Variants in LSP1 observed in about 807,000 individuals in gnomAD.
The protein encoded by LSP1 is lymphocyte-specific protein 1.
Under a neutral mutation model 49.3 loss-of-function variants are expected in LSP1, and 32 were observed. That is an observed-to-expected ratio of 0.65 (90% CI 0.49 to 0.87). LSP1 has a LOEUF of 0.87. Among genes scored for constraint, LSP1 ranks in the 40% least tolerant of loss-of-function variants. LSP1 has a pLI of 0.00. For missense variants in LSP1, 428 were observed against 442.6 expected, an observed-to-expected ratio of 0.97 and a Z score of 0.30; for synonymous variants, 179 against 178.8, an observed-to-expected ratio of 1.00 and a Z score of -0.01.
intron 1 of LSP1, among the ~76,000 whole-genome samples, chr11:1,855,640 G>A (rs1442068885): frequency 4.6e-5 from 7 of 152,178 alleles, no homozygotes; most frequent in Admixed American, 1.3e-4. Context: ...CCCTGGGCGG[G>A]GTCCAGGCTC....
intron 10 of LSP1, chr11:1,890,884 C>A: frequency 2.4e-6 from 1 of 412,522 alleles, no homozygotes; most frequent in Non-Finnish European, 4.4e-6. Flanking sequence ...CACCCCAGCA[C>A]AAAGCAGGCC....
chr11:1,884,527 C>T lies in LSP1; in HGVS notation c.663C>T (p.Asp221=). 6.2e-7 allele frequency: 1 copy of T among 1,613,936 alleles called. No homozygotes were observed. Among genetic ancestry groups the T allele is most frequent in the Admixed American group, 1.7e-5 (1 of 59,992 alleles). The change falls in exon 7 of 11, where the codon GAC becomes GAT. Residue 221 remains aspartate, a synonymous_variant. Coordinates refer to ENST00000311604, the MANE Select transcript of LSP1 (RefSeq NM_002339.3). This position sits in a 1 kb window ranked among gnomAD's most constrained non-coding sequence, Gnocchi z 4.1. Reference sequence around the variant, plus strand: ...ACAGTGTGAAGAAATCCCAGCCAGACTTGCCCATCTCCAAGATTGATCAGT... The same window carrying T: ...ACAGTGTGAAGAAATCCCAGCCAGATTTGCCCATCTCCAAGATTGATCAGT... ...KSNSVKKSQP[D]LPISKIDQWL...
chr11:1,854,991 C>G (rs998181334), intron 1 of LSP1, among the ~76,000 whole-genome samples: 39 of 152,146 alleles, frequency 2.6e-4, no homozygotes, highest in African/African-American at 9.4e-4. Context: ...CCTGGGGCAT[C>G]TTGGTGCAGA....
At chr11:1,860,272 T>G (rs1175953004) in intron 1 of LSP1, among the ~76,000 whole-genome samples, 1 of 151,860 alleles carries the variant, frequency 6.6e-6, no homozygotes, top group Non-Finnish European at 1.5e-5. Context: ...GATAATTGAA[T>G]GATGGATGGA....
chr11:1,868,796 G>GCTCTGA, intron 1 of LSP1: 1 of 985,816 alleles, frequency 1.0e-6, no homozygotes, highest in Admixed American at 6.1e-5. Flanking sequence ...GAGCCCAGAG[G>GCTCTGA]ACGGCGGTTC....
At chr11:1,871,091 G>A (rs1847981325) in intron 1 of LSP1, 3 of 985,606 alleles carry the variant, frequency 3.0e-6, no homozygotes, top group Non-Finnish European at 1.2e-6. Flanking sequence ...GAGTGCAGGC[G>A]AGGGCCCCAG....
chr11:1,854,012 C>T (rs377453913), intron 1 of LSP1, among the ~76,000 whole-genome samples: 4 of 152,310 alleles, frequency 2.6e-5, no homozygotes, highest in African/African-American at 9.6e-5. Context: ...GGCATCCAGG[C>T]ATCACAGCTG....
rs1465757982 is a variant in LSP1 at position 1,881,498 on chromosome 11, G to T, written c.258G>T (p.Gln86His). The change falls in exon 3 of 11, where the codon CAG (glutamine) becomes CAT (histidine). Residue 86 changes from glutamine (Q) to histidine (H), a missense_variant. By Grantham distance (24) the Gln-to-His change is conservative. Coordinates refer to ENST00000311604, the MANE Select transcript of LSP1 (RefSeq NM_002339.3). ...ACGAGGGCTTTGGCGACTGGTCCCA[G>T]AGGCCAGAGCAGCGGCAGCAGCACG... ...DEDEGFGDWSQRPEQRQQHEG... is the reference protein window; with the variant it reads ...DEDEGFGDWSHRPEQRQQHEG... 6.3e-6 allele frequency: 10 copies of T among 1,575,848 alleles called. No homozygotes were observed. The highest frequency in any genetic ancestry group is 1.2e-5 in the South Asian group (1 of 86,088).
In LSP1 at chr11:1,865,181, C is replaced by T. The variant is rs1198562355; in HGVS notation, c.53+11984C>T. On this transcript the variant is annotated intron_variant, in intron 1 of 10. Transcript: ENST00000311604. ...CGGGGCTGGGGTCAGGCCAGGTCGCCGCCTGAGCAGAGGCTGCAGCCTGGG... is the reference window on the plus strand; with the variant it reads ...CGGGGCTGGGGTCAGGCCAGGTCGCTGCCTGAGCAGAGGCTGCAGCCTGGG... 8 of 985,898 alleles carry T rather than the reference C, an allele frequency of 8.1e-6. No homozygotes were observed. The South Asian group carries it at 2.3e-4, about 29-fold the overall frequency. The allele number at this position is 985,898 out of a possible 1,614,324, so 61.1% of individuals were successfully genotyped here.
Position 1,879,526 on chromosome 11 carries a change from C to T in LSP1, c.54-561C>T, listed in dbSNP as rs181113482. ...GGCTGGTGGTGGGACAGGAGGTGTC[C>T]TGCCTGGACGTGCTCAGGCCCTCCT... is the stretch of plus-strand genomic sequence containing the variant. On this transcript the variant is annotated intron_variant, in intron 1 of 10. Coordinates refer to ENST00000311604, the MANE Select transcript of LSP1 (RefSeq NM_002339.3). Among the ~76,000 whole-genome samples, 55 of 152,318 alleles carry T rather than the reference C, an allele frequency of 3.6e-4. No individual in the cohort carries two copies. The East Asian group carries it at 0.01, about 29-fold the overall frequency.
At position 1,871,427 on chromosome 11, in the gene LSP1, G is replaced by A. The variant is rs534669556; in HGVS notation, c.54-8660G>A. On this transcript the variant is annotated intron_variant, in intron 1 of 10. Coordinates refer to ENST00000311604, the MANE Select transcript of LSP1 (RefSeq NM_002339.3). Reference sequence around the variant, plus strand: ...CATCAAAAGAGGTAGGGCACCCAGCGCAAGGGAGGTGATGGGCTGGTCAGC... The same window carrying A: ...CATCAAAAGAGGTAGGGCACCCAGCACAAGGGAGGTGATGGGCTGGTCAGC... The A allele has an allele frequency of 1.8e-5, 18 of 986,402 alleles. No individual in the cohort carries two copies. The Admixed American group carries it at 3.1e-4, about 17-fold the overall frequency. The allele number at this position is 986,402 out of a possible 1,614,324, so 61.1% of individuals were successfully genotyped here.
At position 1,881,356 on chromosome 11, in the gene LSP1, G is replaced by A. The variant is rs555767956; in HGVS notation, c.192-76G>A. The A allele has an allele frequency of 7.5e-5, 104 of 1,394,106 alleles. 1 individual carries two copies. Among genetic ancestry groups the A allele is most frequent in the African/African-American group, 1.8e-4 (12 of 67,760 alleles). 86.4% of individuals were successfully genotyped at this position (1,394,106 alleles called of 1,614,324 possible). A position where few individuals can be genotyped will look rare whatever the true frequency, so the allele number is the denominator to read the frequency against. On this transcript the variant is annotated intron_variant, in intron 2 of 10. Transcript: ENST00000311604. The stretch of plus-strand genomic sequence containing the variant: ...CTTGGAGTCCAGGGCCTGAGCGGGC[G>A]CCGTGAGGTGAGTGTGGGCCCTGGG...
chr11:1,864,023 G>T (rs1054753409), intron 1 of LSP1: 2 of 217,500 alleles, frequency 9.2e-6, no homozygotes, highest in African/African-American at 4.8e-5. Context: ...ATGAACAAAG[G>T]GAAAGTGGAG....
intron 1 of LSP1, chr11:1,870,681 A>G: frequency 9.5e-7 from 1 of 1,056,292 alleles, no homozygotes; most frequent in Non-Finnish European, 1.2e-6. Flanking sequence ...ACGTCTGAAT[A>G]ATGTATGAAG....
At chr11:1,878,943 GC>G (rs1848424797) in intron 1 of LSP1, among the ~76,000 whole-genome samples, 1 of 152,058 alleles carries the variant, frequency 6.6e-6, no homozygotes, top group Non-Finnish European at 1.5e-5. Context: ...GTCCAGGCCA[GC>G]CTGTGCCTAC....
Position 1,876,343 on chromosome 11 carries a change from C to A in LSP1, c.54-3744C>A, listed in dbSNP as rs190604526. On this transcript the variant is annotated intron_variant, in intron 1 of 10. Transcript: ENST00000311604. ...TGCTGTGCAGGGAGCCCCGAACCAC[C>A]CTGGTGGAAGGCCCAGCCCAGCTCC... is the stretch of plus-strand genomic sequence containing the variant. 4.1e-4 allele frequency: 241 copies of A among 583,882 alleles called. No homozygotes were observed. In the African/African-American group the frequency reaches 4.7e-3, roughly 11 times the overall value. 36.2% of individuals were successfully genotyped at this position (583,882 alleles called of 1,614,324 possible).
chr11:1,886,288 C>T (rs1480216358), intron 7 of LSP1, among the ~76,000 whole-genome samples: 1 of 152,026 alleles, frequency 6.6e-6, no homozygotes, highest in Non-Finnish European at 1.5e-5. Flanking sequence ...ACAAACACTC[C>T]CTCATATAAT....
chr11:1,878,644 G>A (rs576562283), intron 1 of LSP1, among the ~76,000 whole-genome samples: 2 of 152,164 alleles, frequency 1.3e-5, no homozygotes, highest in African/African-American at 4.8e-5. Flanking sequence ...TGGCAGGGCT[G>A]TCTGGCCAGG....
intron 1 of LSP1, chr11:1,869,318 CAAACCCTA>C: frequency 3.3e-6 from 1 of 303,534 alleles, no homozygotes; most frequent in South Asian, 2.9e-5. Context: ...TTGACGAGAA[CAAACCCTA>C]CCTGGGGAGA....
Sources: gnomAD v4.1 joint callset for allele counts (sites outside exome capture counted in the v4.1 genomes callset) on GRCh38, gnomAD v4.1.1 for gene constraint, Gnocchi (gnomAD v3.1) non-coding constraint, MANE v1.5 for transcripts, NCBI Gene and HGNC (gene_info 2026-07-23, HGNC 2026-07-21) for gene names.